MACROD2: variants seen among roughly 807,000 people sequenced by gnomAD.
The protein encoded by MACROD2 is mono-ADP ribosylhydrolase 2, also known as ADP-ribose glycohydrolase MACROD2.
A neutral mutation model predicts 70.4 loss-of-function variants in MACROD2; 36 were observed. That is an observed-to-expected ratio of 0.51 (90% CI 0.39 to 0.68). The LOEUF (loss-of-function observed/expected upper bound fraction) is 0.68. MACROD2 is among the 30% of genes least tolerant of loss of function. The pLI, the probability that MACROD2 is intolerant of heterozygous loss-of-function variation, is 0.00. For missense variants in MACROD2, 496 were observed against 538.4 expected, an observed-to-expected ratio of 0.92 and a Z score of 0.78; for synonymous variants, 172 against 178.8, an observed-to-expected ratio of 0.96 and a Z score of 0.30.
intron 5 of MACROD2, among the ~76,000 whole-genome samples, chr20:14,946,419 T>G (rs1360396604): frequency 6.6e-6 from 1 of 152,102 alleles, no homozygotes; most frequent in Non-Finnish European, 1.5e-5. Context: ...CACTTAAAAT[T>G]TTTCCAATAT....
chr20:14,802,159 A>G (rs2072584504), intron 5 of MACROD2, among the ~76,000 whole-genome samples: 1 of 152,096 alleles, frequency 6.6e-6, no homozygotes, highest in Non-Finnish European at 1.5e-5. Flanking sequence ...AGCCTGAGAC[A>G]GCATGCCTGA....
chr20:15,328,600 C>G (rs1001624105), intron 6 of MACROD2, among the ~76,000 whole-genome samples: 5 of 152,094 alleles, frequency 3.3e-5, no homozygotes, highest in Non-Finnish European at 7.4e-5. Flanking sequence ...ACAACCTGGA[C>G]AGAAATTAAT....
intron 5 of MACROD2, among the ~76,000 whole-genome samples, chr20:15,051,396 G>GTC (rs1237571758): frequency 8.9e-6 from 1 of 112,362 alleles, no homozygotes; most frequent in Non-Finnish European, 1.9e-5. Flanking sequence ...GTGTGTGTGT[G>GTC]TGTCATAGCA....
intron 4 of MACROD2, among the ~76,000 whole-genome samples, chr20:14,502,755 A>G (rs2084928307): frequency 6.6e-6 from 1 of 152,252 alleles, no homozygotes; most frequent in African/African-American, 2.4e-5. Context: ...AAATCCAGAT[A>G]TCTGTGTGTA....
chr20:15,979,167 G>A (rs540069157), intron 13 of MACROD2, among the ~76,000 whole-genome samples: 1 of 152,316 alleles, frequency 6.6e-6, no homozygotes, highest in Admixed American at 6.5e-5. Flanking sequence ...CTTTGCTGCA[G>A]TAACAAATAA....
chr20:14,331,602 C>A (rs1293585382), intron 3 of MACROD2, among the ~76,000 whole-genome samples: 1 of 152,138 alleles, frequency 6.6e-6, no homozygotes, highest in Non-Finnish European at 1.5e-5. Context: ...CAGAGCTACT[C>A]TCATATGCCC....
At chr20:14,208,595 A>G (rs1444934081) in intron 3 of MACROD2, among the ~76,000 whole-genome samples, 3 of 152,168 alleles carry the variant, frequency 2.0e-5, no homozygotes, top group East Asian at 3.8e-4. Context: ...AGGTTCCCAA[A>G]CTACACTGTA....
intron 3 of MACROD2, among the ~76,000 whole-genome samples, chr20:14,422,402 ACACTTAAAGT>A (rs2083885033): frequency 6.6e-6 from 1 of 152,174 alleles, no homozygotes; most frequent in Non-Finnish European, 1.5e-5. Context: ...TAATACATTT[ACACTTAAAGT>A]CACTACTGTT....
intron 6 of MACROD2, among the ~76,000 whole-genome samples, chr20:15,426,190 A>G (rs1312056267): frequency 2.7e-5 from 4 of 148,658 alleles, no homozygotes; most frequent in Admixed American, 6.7e-5. Context: ...GAAACACCCA[A>G]GAATGATCAA....
rs553134012 is a variant in MACROD2, at chr20:14,472,967, T to C, written c.272-20512T>C. Among the ~76,000 whole-genome samples, 337 of 152,224 alleles carry C rather than the reference T, an allele frequency of 2.2e-3. 5 individuals are homozygous for C. The highest frequency in any genetic ancestry group is 7.7e-3 in the African/African-American group (319 of 41,540). On this transcript the variant is annotated intron_variant, in intron 3 of 17. Transcript: ENST00000684519. ...AGGATAATGAGGCTGGAGAGGTAGA[T>C]TCGGACTTTATAGTCAAGACCCTCA...
At chr20:14,353,235 T>G (rs939351980) in intron 3 of MACROD2, among the ~76,000 whole-genome samples, 4 of 152,156 alleles carry the variant, frequency 2.6e-5, no homozygotes, top group African/African-American at 9.6e-5. Context: ...AGTAGCAGCC[T>G]TATTCCAGGA....
intron 4 of MACROD2, among the ~76,000 whole-genome samples, chr20:14,624,387 T>C (rs904813880): frequency 6.6e-6 from 1 of 152,112 alleles, no homozygotes; most frequent in Non-Finnish European, 1.5e-5. Context: ...TCAACTTTGA[T>C]TGGGTTTTAG....
chr20:14,503,096 A>AT (rs1461817017), intron 4 of MACROD2, among the ~76,000 whole-genome samples: 1 of 152,162 alleles, frequency 6.6e-6, no homozygotes, highest in South Asian at 2.1e-4. Flanking sequence ...AAGCAGTAGC[A>AT]TTTTTCTATT....
At chr20:14,684,657 C>G (rs1053320791) in intron 4 of MACROD2, among the ~76,000 whole-genome samples, 186 bp from the exon 5 acceptor site, 3 of 149,556 alleles carry the variant, frequency 2.0e-5, no homozygotes, top group East Asian at 2.0e-4. Flanking sequence ...CACCCCCCCC[C>G]CCCGGCCCCC....
intron 5 of MACROD2, among the ~76,000 whole-genome samples, chr20:14,903,958 G>T (rs1281217653): frequency 6.6e-6 from 1 of 152,158 alleles, no homozygotes; most frequent in Admixed American, 6.5e-5. Flanking sequence ...CAGGGCTACA[G>T]TAAACTGCAG....
chr20:15,302,991 A>C (rs1444678851), intron 6 of MACROD2, among the ~76,000 whole-genome samples: 5 of 152,190 alleles, frequency 3.3e-5, no homozygotes, highest in Non-Finnish European at 7.3e-5. Context: ...ATTAAATAAA[A>C]TATTTATGTG....
At chr20:15,218,680 G>A (rs560832928) in intron 5 of MACROD2, among the ~76,000 whole-genome samples, 101 of 152,264 alleles carry the variant, frequency 6.6e-4, no homozygotes, top group Non-Finnish European at 3.2e-4. Context: ...TTCTCAAGAG[G>A]ATGGTGAGTG....
intron 5 of MACROD2, among the ~76,000 whole-genome samples, chr20:15,116,678 A>G (rs1171329361): frequency 6.6e-6 from 1 of 152,200 alleles, no homozygotes; most frequent in Non-Finnish European, 1.5e-5. Flanking sequence ...TCTATTCCTT[A>G]TGATTTTCTT....
At chr20:15,427,382 A>G (rs1305849401) in intron 6 of MACROD2, among the ~76,000 whole-genome samples, 1 of 152,218 alleles carries the variant, frequency 6.6e-6, no homozygotes, top group African/African-American at 2.4e-5. Context: ...ACTGTGCAGT[A>G]TGTTTTTCTT....
Sources: allele counts gnomAD v4.1 joint callset (sites outside exome capture counted in the v4.1 genomes callset), GRCh38; gene constraint gnomAD v4.1.1; transcripts MANE v1.5; gene names NCBI Gene and HGNC (gene_info 2026-07-23, HGNC 2026-07-21).